The following WWC1 variants were observed in gnomAD, a reference collection of about 807,000 sequenced individuals.
WWC1 encodes WW and C2 domain containing 1, also known as protein KIBRA.
A neutral mutation model predicts 138.4 loss-of-function variants in WWC1; 55 were observed. The observed-to-expected ratio is 0.40, with a 90% CI of 0.32 to 0.50. WWC1 has a LOEUF of 0.50. Ranked by LOEUF, WWC1 falls within the 20% of genes least tolerant of loss-of-function variation. WWC1 has a pLI of 0.72. For missense variants in WWC1, 1,226 were observed against 1,420.4 expected, an observed-to-expected ratio of 0.86 and a Z score of 2.20; for synonymous variants, 524 against 564.9, an observed-to-expected ratio of 0.93 and a Z score of 1.03.
At chr5:168,389,616 T>G (rs67791518) in intron 3 of WWC1, among the ~76,000 whole-genome samples, 22,611 of 132,292 alleles carry the variant, frequency 0.17, 1,867 homozygotes, top group African/African-American at 0.19. Flanking sequence ...TTTTTTTTTT[T>G]TTGTTAATTT....
chr5:168,306,100 T>G (rs1229295830), intron 1 of WWC1, among the ~76,000 whole-genome samples: 1 of 152,134 alleles, frequency 6.6e-6, no homozygotes, highest in East Asian at 1.9e-4. Context: ...GGTGGAGAAG[T>G]AAATATCTGG....
chr5:168,297,226 C>T (rs1276212818), intron 1 of WWC1, among the ~76,000 whole-genome samples: 1 of 152,200 alleles, frequency 6.6e-6, no homozygotes, highest in Non-Finnish European at 1.5e-5. Flanking sequence ...TTTCCTAGAA[C>T]GTACCTGTGA....
rs887690125 is a variant in WWC1 at position 168,470,703 on chromosome 5, G to T, written c.*1686G>T. The T allele has an allele frequency of 6.6e-6, 1 of 152,002 alleles. No individual in the cohort carries two copies. The highest frequency in any genetic ancestry group is 2.4e-5 in the African/African-American group (1 of 41,344). The allele number at this position is 152,002 out of a possible 1,614,324, so 9.4% of individuals were successfully genotyped here. ...TACATAATTAGCTGGGCGTAGTGGC[G>T]CATACCTGTAATCCCAGCTACTTGG... On this transcript the variant is annotated 3_prime_UTR_variant, in exon 23 of 23. Transcript: ENST00000265293.
At chr5:168,380,127 GT>G (rs1284028407) in intron 2 of WWC1, among the ~76,000 whole-genome samples, 5 of 152,318 alleles carry the variant, frequency 3.3e-5, no homozygotes, top group African/African-American at 1.2e-4. Flanking sequence ...CATATTCCAA[GT>G]ATGTAAAGAC....
intron 2 of WWC1, among the ~76,000 whole-genome samples, chr5:168,373,928 C>G (rs1260710975): frequency 6.6e-6 from 1 of 151,458 alleles, no homozygotes; most frequent in Non-Finnish European, 1.5e-5. Flanking sequence ...CATCTGTAAT[C>G]CCAGCTGCTC....
At chr5:168,332,281 T>C (rs1724383996) in intron 1 of WWC1, among the ~76,000 whole-genome samples, 1 of 152,222 alleles carries the variant, frequency 6.6e-6, no homozygotes, top group African/African-American at 2.4e-5. Context: ...AGTTCATTCA[T>C]TTCATTTAAC....
intron 1 of WWC1, among the ~76,000 whole-genome samples, chr5:168,302,137 G>A (rs1217109663): frequency 2.0e-5 from 3 of 152,218 alleles, no homozygotes; most frequent in Non-Finnish European, 2.9e-5. Flanking sequence ...GAGGTCTCTG[G>A]AACTCATTTG....
At chr5:168,425,248 G>A (rs779545012) in intron 11 of WWC1, among the ~76,000 whole-genome samples, 1 of 152,114 alleles carries the variant, frequency 6.6e-6, no homozygotes, top group Non-Finnish European at 1.5e-5. Flanking sequence ...GCACATTCAT[G>A]CCAACTCCTG....
chr5:168,441,768 G>A lies in WWC1; in HGVS notation c.2367G>A (p.Leu789=). ...RWYNLLSYKY[L]KKQSRELKPV... is the part of the protein sequence containing the mutation. The stretch of plus-strand genomic sequence containing the variant: ...ACAACCTTCTCAGCTACAAATACTT[G>A]AAGAAACAGAGCAGGGAGCTCAAGC... The change falls in exon 16 of 23, where the codon TTG becomes TTA. Residue 789 remains leucine (L), a synonymous_variant. Transcript: ENST00000265293. 6.2e-7 allele frequency: 1 copy of A among 1,614,156 alleles called. No individual in the cohort carries two copies.
At chr5:168,421,056 C>T (rs372743352) in intron 9 of WWC1, among the ~76,000 whole-genome samples, 1 of 152,190 alleles carries the variant, frequency 6.6e-6, no homozygotes, top group African/African-American at 2.4e-5. Context: ...TGGCTTCATA[C>T]AACGGGTTTA....
At position 168,469,687 on chromosome 5, in the gene WWC1, A is replaced by G. The variant is rs558858165; in HGVS notation, c.*670A>G. On this transcript the variant is annotated 3_prime_UTR_variant, in exon 23 of 23. Transcript: ENST00000265293. The stretch of plus-strand genomic sequence containing the variant: ...TCAGATGCCCAGTGAAGCCACTAAC[A>G]TGAGTGAGGGGAGGGCTGTGGGGAA... 1 of 152,350 alleles carries G rather than the reference A, an allele frequency of 6.6e-6. No individual in the cohort carries two copies. The highest frequency in any genetic ancestry group is 2.4e-5 in the African/African-American group (1 of 41,550). The allele number at this position is 152,350 out of a possible 1,614,324, so 9.4% of individuals were successfully genotyped here.
intron 1 of WWC1, among the ~76,000 whole-genome samples, chr5:168,318,795 G>A (rs907233169): frequency 8.6e-5 from 13 of 152,040 alleles, no homozygotes; most frequent in African/African-American, 2.9e-4. Context: ...TCTAACCTCA[G>A]GTGATCTGCC....
chr5:168,319,386 C>T (rs1200125058), intron 1 of WWC1, among the ~76,000 whole-genome samples: 1 of 152,176 alleles, frequency 6.6e-6, no homozygotes, highest in African/African-American at 2.4e-5. Flanking sequence ...CAACACTGCA[C>T]TCCAGCCTGG....
Position 168,469,118 on chromosome 5 carries a change from G to A in WWC1, c.*101G>A, listed in dbSNP as rs1300871509. The A allele has an allele frequency of 8.6e-6, 12 of 1,399,058 alleles. No individual in the cohort carries two copies. The highest frequency in any genetic ancestry group is 1.8e-4 in the Middle Eastern group (1 of 5,610). 86.7% of individuals were successfully genotyped at this position (1,399,058 alleles called of 1,614,324 possible). Reference sequence around the variant, plus strand: ...GTTATATGAAGGTACTGAGTCACAAGTCCTCTAGTGCTCTTGTTGGTTTGA... The same window carrying A: ...GTTATATGAAGGTACTGAGTCACAAATCCTCTAGTGCTCTTGTTGGTTTGA... On this transcript the variant is annotated 3_prime_UTR_variant, in exon 23 of 23. Transcript: ENST00000265293.
At chr5:168,389,476 A>C (rs1582126350) in intron 3 of WWC1, among the ~76,000 whole-genome samples, 2 of 151,614 alleles carry the variant, frequency 1.3e-5, no homozygotes, top group East Asian at 3.9e-4. Context: ...GAAAGAAAAA[A>C]AAGAAGCACT....
At position 168,464,790 on chromosome 5, in the gene WWC1, T is replaced by C; in HGVS notation, c.2978T>C (p.Leu993Ser). Residue 993 changes from leucine (L) to serine (S), a missense_variant, in exon 21 of 23, where the codon TTA (leucine) becomes TCA (serine). Physicochemically the swap from Leu to Ser is moderately radical, Grantham distance 145. Coordinates refer to ENST00000265293, the MANE Select transcript of WWC1 (RefSeq NM_015238.3). Reference sequence around the variant, plus strand: ...ATCCGTACCTCGCTGGACCTGGAGTTAGACCTGCAGGCGACAAGAACCTGG... The same window carrying C: ...ATCCGTACCTCGCTGGACCTGGAGTCAGACCTGCAGGCGACAAGAACCTGG... The part of the protein sequence containing the change: ...RLIRTSLDLE[L>S]DLQATRTWHS... 2 of 1,613,992 alleles carry C rather than the reference T, an allele frequency of 1.2e-6. No homozygotes were observed. Among genetic ancestry groups the C allele is most frequent in the Non-Finnish European group, 1.7e-6 (2 of 1,180,010 alleles).
intron 1 of WWC1, among the ~76,000 whole-genome samples, chr5:168,337,808 A>C (rs1462125002): frequency 6.6e-6 from 1 of 152,248 alleles, no homozygotes; most frequent in African/African-American, 2.4e-5. Context: ...AGGATGACTC[A>C]GTCACACAAG....
At chr5:168,422,409 G>A (rs1303175112) in intron 10 of WWC1, among the ~76,000 whole-genome samples, 3 of 152,124 alleles carry the variant, frequency 2.0e-5, no homozygotes, top group African/African-American at 4.8e-5. Context: ...TGGGTGGATC[G>A]CTTCAGCTCA....
At chr5:168,453,037 C>G (rs1445444171) in intron 17 of WWC1, among the ~76,000 whole-genome samples, 2 of 152,158 alleles carry the variant, frequency 1.3e-5, no homozygotes, top group East Asian at 3.9e-4. Context: ...CCAGCCTGGG[C>G]AACATACCAA....
Sources: allele counts gnomAD v4.1 joint callset (sites outside exome capture counted in the v4.1 genomes callset), GRCh38; gene constraint gnomAD v4.1.1; transcripts MANE v1.5; gene names NCBI Gene and HGNC (gene_info 2026-07-23, HGNC 2026-07-21).